The following TGM3 variants were observed in gnomAD, a reference collection of about 807,000 sequenced individuals.
TGM3 encodes the protein protein-glutamine gamma-glutamyltransferase E.
Under a neutral mutation model 73.8 loss-of-function variants are expected in TGM3, and 52 were observed. The ratio of observed to expected loss-of-function variants is 0.70; its 90% CI spans 0.56 to 0.89. The LOEUF (loss-of-function observed/expected upper bound fraction) is 0.89. TGM3 is among the 40% of genes least tolerant of loss of function. The pLI, the probability that TGM3 is intolerant of heterozygous loss-of-function variation, is 0.00. For missense variants in TGM3, 928 were observed against 909.9 expected, an observed-to-expected ratio of 1.02 and a Z score of -0.26; for synonymous variants, 372 against 354.9, an observed-to-expected ratio of 1.05 and a Z score of -0.54.
intron 1 of TGM3, among the ~76,000 whole-genome samples, chr20:2,309,349 G>T (rs1236269848): frequency 6.6e-6 from 1 of 152,224 alleles, no homozygotes; most frequent in Non-Finnish European, 1.5e-5. Context: ...ATGGAGGGGG[G>T]AAAGACACTC....
chr20:2,322,372 C>T (rs2084266919), intron 7 of TGM3, among the ~76,000 whole-genome samples: 1 of 152,068 alleles, frequency 6.6e-6, no homozygotes, highest in Non-Finnish European at 1.5e-5. Flanking sequence ...ACACATCCCA[C>T]TTTTTCCCAC....
In TGM3 at chr20:2,332,525, T is replaced by C. The variant is rs1371879385; in HGVS notation, c.1642+215T>C. Among the ~76,000 whole-genome samples, 1 of 152,006 alleles carries C rather than the reference T, an allele frequency of 6.6e-6. No individual in the cohort carries two copies. Among genetic ancestry groups the C allele is most frequent in the African/African-American group, 2.4e-5 (1 of 41,310 alleles). On this transcript the variant is annotated intron_variant, in intron 10 of 12. Coordinates refer to ENST00000381458, the MANE Select transcript of TGM3 (RefSeq NM_003245.4). The surrounding 1 kb of genome is among the most constrained non-coding windows in gnomAD (Gnocchi z 4.4). Reference sequence around the variant, plus strand: ...GTCAGGGTGGTGCCAACCAAAATCCTTTTACGCCCCAAGGGAGGAAGGAGG... The same window carrying C: ...GTCAGGGTGGTGCCAACCAAAATCCCTTTACGCCCCAAGGGAGGAAGGAGG...
intron 4 of TGM3, 151 bp downstream of exon 4, chr20:2,311,280 A>G: frequency 1.5e-6 from 1 of 665,558 alleles, no homozygotes; most frequent in Non-Finnish European, 2.7e-6. Flanking sequence ...TTGGCCACCT[A>G]TTATGTGTCA....
chr20:2,310,761 CTGCCAGAAAGAGCAGG>C (rs565340410), intron 3 of TGM3, among the ~76,000 whole-genome samples: 79 of 152,322 alleles, frequency 5.2e-4, no homozygotes, highest in Non-Finnish European at 1.0e-3. Context: ...AGATAGCTTT[CTGCCAGAAAGAGCAGG>C]TGTCTTATCC....
Position 2,340,033 on chromosome 20 carries a change from C to T in TGM3, c.1934+46C>T, listed in dbSNP as rs202157241. 279 of 198,330 alleles carry T rather than the reference C, an allele frequency of 1.4e-3. 1 individual carries two copies. The highest frequency in any genetic ancestry group is 2.3e-3 in the Non-Finnish European group (239 of 103,996). 12.3% of individuals were successfully genotyped at this position (198,330 alleles called of 1,614,324 possible). On this transcript the variant is annotated intron_variant, in intron 12 of 12. Coordinates refer to ENST00000381458, the MANE Select transcript of TGM3 (RefSeq NM_003245.4). The stretch of plus-strand genomic sequence containing the variant: ...GCCGGTGCAGGAGGGCGGGAGGGGG[C>T]GGGGGGGCCCTCCAGATCCCCTGGG...
At chr20:2,306,832 T>C (rs6048041) in intron 1 of TGM3, among the ~76,000 whole-genome samples, 48 of 152,226 alleles carry the variant, frequency 3.2e-4, no homozygotes, top group Non-Finnish European at 6.6e-4. Context: ...CTGGCTGGGA[T>C]GCACAGAAAG....
rs762208603 is a variant in TGM3, at chr20:2,317,253, G to C, written c.847+8G>C. 6.2e-7 allele frequency: 1 copy of C among 1,614,048 alleles called. No individual in the cohort carries two copies. Among genetic ancestry groups the C allele is most frequent in the Admixed American group, 1.7e-5 (1 of 60,018 alleles). On this transcript the variant is annotated splice_region_variant and intron_variant, in intron 6 of 12. Transcript: ENST00000381458. ...CTGGGACCCTCAACACAGGTACCTT[G>C]GGTGTGGTGTGCCTTGGCTGGGTCA...
At position 2,327,730 on chromosome 20, in the gene TGM3, G is replaced by C. The variant is rs192634923; in HGVS notation, c.1088-390G>C. 1.3e-5 allele frequency among the ~76,000 whole-genome samples: 2 copies of C among 152,286 alleles called. 1 individual carries two copies. The highest frequency in any genetic ancestry group is 3.9e-4 in the East Asian group (2 of 5,180). ...AACAAGAGGTCCCTGCAGGCTGCCT[G>C]TTCAGGGAAGTCTTCCTGGACTAGG... On this transcript the variant is annotated intron_variant, in intron 8 of 12. Coordinates refer to ENST00000381458, the MANE Select transcript of TGM3 (RefSeq NM_003245.4).
chr20:2,335,120 A>G lies in TGM3; in HGVS notation c.1647A>G (p.Ala549=). The G allele has an allele frequency of 6.2e-7, 1 of 1,614,226 alleles. No individual in the cohort carries two copies. Among genetic ancestry groups the G allele is most frequent in the Non-Finnish European group, 8.5e-7 (1 of 1,180,018 alleles). ...ATMSLDPEEE[A]EHPIKISYAQ... Reference sequence around the variant, plus strand: ...TCCCCTGGCTTCTCCTTCCAGAGGCAGAACATCCCATAAAGATCTCGTACG... The same window carrying G: ...TCCCCTGGCTTCTCCTTCCAGAGGCGGAACATCCCATAAAGATCTCGTACG... The change falls in exon 11 of 13, where the codon GCA becomes GCG. Residue 549 remains alanine (A), a synonymous_variant. Transcript: ENST00000381458.
chr20:2,298,311 C>A (rs1420506411), intron 1 of TGM3, among the ~76,000 whole-genome samples: 2 of 152,168 alleles, frequency 1.3e-5, no homozygotes, highest in Non-Finnish European at 2.9e-5. Flanking sequence ...AGTGGCCTGG[C>A]ATCCCCAGAG....
At chr20:2,336,359 A>G (rs2122256472) in intron 11 of TGM3, among the ~76,000 whole-genome samples, 1 of 152,224 alleles carries the variant, frequency 6.6e-6, no homozygotes, top group East Asian at 1.9e-4. Flanking sequence ...CTCATGGGCC[A>G]GGCCCTGCCC....
At chr20:2,305,836 C>T (rs530166845) in intron 1 of TGM3, among the ~76,000 whole-genome samples, 9 of 152,300 alleles carry the variant, frequency 5.9e-5, no homozygotes, top group South Asian at 2.1e-4. Flanking sequence ...TAAAACAGGA[C>T]GTCTACAAGT....
At chr20:2,304,650 T>A (rs773548317) in intron 1 of TGM3, among the ~76,000 whole-genome samples, 115 of 152,310 alleles carry the variant, frequency 7.6e-4, no homozygotes, top group Non-Finnish European at 5.0e-4. Flanking sequence ...CCATTTTTTC[T>A]TCCAGACTAC....
intron 1 of TGM3, among the ~76,000 whole-genome samples, chr20:2,305,783 G>A (rs1311866904): frequency 4.6e-5 from 7 of 152,150 alleles, no homozygotes; most frequent in East Asian, 1.9e-4. Flanking sequence ...GGGTGACAAC[G>A]ACCAAGGCAC....
At chr20:2,336,752 T>C (rs2084353550) in intron 11 of TGM3, among the ~76,000 whole-genome samples, 2 of 151,898 alleles carry the variant, frequency 1.3e-5, no homozygotes, top group South Asian at 4.2e-4. Context: ...CGTTCAGGCC[T>C]TGGGCCATGT....
intron 11 of TGM3, among the ~76,000 whole-genome samples, chr20:2,338,518 G>A (rs1038577131): frequency 3.9e-5 from 6 of 152,176 alleles, no homozygotes; most frequent in African/African-American, 1.4e-4. Context: ...TATAGACCAT[G>A]ATGTGTAAAA....
chr20:2,309,113 A>C (rs2122217263), intron 1 of TGM3, among the ~76,000 whole-genome samples: 1 of 152,340 alleles, frequency 6.6e-6, no homozygotes, highest in African/African-American at 2.4e-5. Context: ...TCCTGATCTC[A>C]GGTGATCTGC....
At chr20:2,335,752 G>A (rs548104067) in intron 11 of TGM3, among the ~76,000 whole-genome samples, 1 of 152,296 alleles carries the variant, frequency 6.6e-6, no homozygotes, top group East Asian at 1.9e-4. Flanking sequence ...CCAGCCCTCT[G>A]TCATGGACAG....
At position 2,335,131 on chromosome 20, in the gene TGM3, T is replaced by G; in HGVS notation, c.1658T>G (p.Ile553Arg). The change falls in exon 11 of 13, where the codon ATA becomes AGA. Residue 553 changes from isoleucine to arginine, a missense_variant. Coordinates refer to ENST00000381458, the MANE Select transcript of TGM3 (RefSeq NM_003245.4). Reference protein sequence around the residue: ...LDPEEEAEHPIKISYAQYEKY... With the variant: ...LDPEEEAEHPRKISYAQYEKY... ...CTCCTTCCAGAGGCAGAACATCCCATAAAGATCTCGTACGCTCAGTATGAG... is the reference window on the plus strand; with the variant it reads ...CTCCTTCCAGAGGCAGAACATCCCAGAAAGATCTCGTACGCTCAGTATGAG... 6.2e-7 allele frequency: 1 copy of G among 1,614,174 alleles called. No individual in the cohort carries two copies. The highest frequency in any genetic ancestry group is 1.3e-5 in the African/African-American group (1 of 75,046).
Sources: gnomAD v4.1 joint callset for allele counts (sites outside exome capture counted in the v4.1 genomes callset) on GRCh38, gnomAD v4.1.1 for gene constraint, Gnocchi (gnomAD v3.1) non-coding constraint, MANE v1.5 for transcripts, NCBI Gene and HGNC (gene_info 2026-07-23, HGNC 2026-07-21) for gene names.